The following DDAH1 variants were observed in gnomAD, a reference collection of about 807,000 sequenced individuals.
The protein encoded by DDAH1 is N(G),N(G)-dimethylarginine dimethylaminohydrolase 1.
Under a neutral mutation model 28.8 loss-of-function variants are expected in DDAH1, and 19 were observed. That is an observed-to-expected ratio of 0.66 (90% confidence interval 0.46 to 0.97). The LOEUF (loss-of-function observed/expected upper bound fraction) is 0.97. DDAH1 is among the 50% of genes least tolerant of loss of function. The probability of loss-of-function intolerance (pLI) is 0.00; values close to 1 mark genes in which losing one functional copy is unlikely to be tolerated. For synonymous variants in DDAH1, 153 were observed against 154.4 expected, an observed-to-expected ratio of 0.99 and a Z score of 0.07; for missense variants, 326 against 375.9, an observed-to-expected ratio of 0.87 and a Z score of 1.10.
intron 1 of DDAH1, among the ~76,000 whole-genome samples, chr1:85,530,990 CAAAAAAAAAAA>C (rs56149686): frequency 0.1 from 4,412 of 43,834 alleles, 181 homozygotes; most frequent in East Asian, 0.31. Context: ...GACTCTGTCT[CAAAAAAAAAAA>C]AAAAAAAAAA....
At chr1:85,330,838 T>TG (rs1476440271) in intron 4 of DDAH1, among the ~76,000 whole-genome samples, 2 of 152,018 alleles carry the variant, frequency 1.3e-5, no homozygotes, top group African/African-American at 2.4e-5. Flanking sequence ...CAGTGTGAGG[T>TG]GGGAAAGGGA....
At chr1:85,421,957 G>A (rs1244775086) in intron 1 of DDAH1, among the ~76,000 whole-genome samples, 2 of 152,184 alleles carry the variant, frequency 1.3e-5, no homozygotes, top group Non-Finnish European at 2.9e-5. Context: ...ATACTTAGGA[G>A]CATGATTGCT....
At chr1:85,497,182 T>A (rs1007155447) in intron 1 of DDAH1, among the ~76,000 whole-genome samples, 2 of 152,170 alleles carry the variant, frequency 1.3e-5, no homozygotes, top group East Asian at 3.8e-4. Context: ...AATAACCTGA[T>A]GCACAGTGAT....
Position 85,547,747 on chromosome 1 carries a change from G to T in DDAH1, c.-123+30237C>A, listed in dbSNP as rs1434107986. On this transcript the variant is annotated intron_variant, in intron 1 of 6. Coordinates refer to the DDAH1 transcript ENST00000426972. Reference sequence around the variant, plus strand: ...TTTCTTTAAGAAGAGCTTTTACTCTGAATAAAATATTCCTGTGAGGAAGAT... The same window carrying T: ...TTTCTTTAAGAAGAGCTTTTACTCTTAATAAAATATTCCTGTGAGGAAGAT... Among the ~76,000 whole-genome samples the T allele has an allele frequency of 2.0e-5, 3 of 152,164 alleles. No homozygotes were observed. In the East Asian group the frequency reaches 5.8e-4, roughly 29 times the overall value.
At chr1:85,356,746 T>C (rs886561539) in intron 2 of DDAH1, among the ~76,000 whole-genome samples, 5 of 152,190 alleles carry the variant, frequency 3.3e-5, no homozygotes, top group African/African-American at 1.2e-4. Context: ...ACAGGTAGTA[T>C]CAAAGGCAAG....
intron 2 of DDAH1, among the ~76,000 whole-genome samples, chr1:85,471,067 A>AT (rs869296858): frequency 1.3e-5 from 2 of 150,990 alleles, no homozygotes; most frequent in East Asian, 3.9e-4. Flanking sequence ...CTGCGATCCC[A>AT]TTTTTGTTGG....
intron 1 of DDAH1, among the ~76,000 whole-genome samples, chr1:85,513,453 T>C (rs1657322397): frequency 1.3e-5 from 2 of 152,186 alleles, no homozygotes; most frequent in African/African-American, 4.8e-5. Flanking sequence ...AAAGACTTCA[T>C]GACTAAAACA....
At chr1:85,344,497 T>C (rs946644827) in intron 4 of DDAH1, among the ~76,000 whole-genome samples, 1 of 152,280 alleles carries the variant, frequency 6.6e-6, no homozygotes, top group Middle Eastern at 3.4e-3. Context: ...CTTCCTCCTC[T>C]GAATAGTTTC....
chr1:85,427,271 TAAAAAA>T (rs58534051), intron 1 of DDAH1, among the ~76,000 whole-genome samples: 41 of 142,182 alleles, frequency 2.9e-4, no homozygotes, highest in Admixed American at 4.1e-4. Context: ...CCAAGTGAGC[TAAAAAA>T]AAAAAAAAAA....
rs559746262 is a variant in DDAH1 at position 85,365,869 on chromosome 1, G to T, written c.304-7022C>A. 7.0e-4 allele frequency among the ~76,000 whole-genome samples: 106 copies of T among 152,254 alleles called. 1 individual carries two copies. Among genetic ancestry groups the T allele is most frequent in the African/African-American group, 2.4e-3 (98 of 41,546 alleles). ...GCACAAGTAAAGAAATTTTGCAGGTGTAAAGTATCTACTTAGATGACTTGA... is the reference window on the plus strand; with the variant it reads ...GCACAAGTAAAGAAATTTTGCAGGTTTAAAGTATCTACTTAGATGACTTGA... On this transcript the variant is annotated intron_variant, in intron 1 of 5. Transcript: ENST00000284031.
chr1:85,379,728 T>C, intron 1 of DDAH1: 1 of 984,148 alleles, frequency 1.0e-6, no homozygotes, highest in Non-Finnish European at 1.2e-6. Flanking sequence ...TTCCCAAACC[T>C]GCTGGCATCC....
chr1:85,424,708 A>G (rs902932966), intron 1 of DDAH1, among the ~76,000 whole-genome samples: 13 of 152,098 alleles, frequency 8.5e-5, no homozygotes, highest in Non-Finnish European at 1.9e-4. Flanking sequence ...TCATAGGCAT[A>G]TATACCACCT....
intron 1 of DDAH1, among the ~76,000 whole-genome samples, chr1:85,564,769 C>T: frequency 6.6e-6 from 1 of 151,530 alleles, no homozygotes; most frequent in Middle Eastern, 3.2e-3. Flanking sequence ...ACTCAGGAGG[C>T]TGAGGCATGA....
At chr1:85,444,924 T>C (rs1654364904) in intron 1 of DDAH1, among the ~76,000 whole-genome samples, 1 of 152,096 alleles carries the variant, frequency 6.6e-6, no homozygotes, top group African/African-American at 2.4e-5. Context: ...GGTCCCACAA[T>C]AGGCCATTGG....
intron 2 of DDAH1, among the ~76,000 whole-genome samples, chr1:85,355,723 A>T (rs1054405897): frequency 1.3e-5 from 2 of 152,188 alleles, no homozygotes; most frequent in Admixed American, 6.5e-5. Context: ...ACAGAAGATA[A>T]TCCACAAAAA....
chr1:85,375,309 AC>A (rs981192749), intron 1 of DDAH1, among the ~76,000 whole-genome samples: 1 of 152,110 alleles, frequency 6.6e-6, no homozygotes, highest in Non-Finnish European at 1.5e-5. Context: ...TACAGAGCAA[AC>A]CCAGAATGCA....
At chr1:85,561,290 G>A (rs1369752778) in intron 1 of DDAH1, among the ~76,000 whole-genome samples, 1 of 152,038 alleles carries the variant, frequency 6.6e-6, no homozygotes, top group East Asian at 1.9e-4. Context: ...CAGGAAAATA[G>A]CAAGTACTAT....
intron 1 of DDAH1, among the ~76,000 whole-genome samples, chr1:85,365,807 A>T (rs1270531075): frequency 6.6e-6 from 1 of 152,184 alleles, no homozygotes; most frequent in African/African-American, 2.4e-5. Context: ...TGTAAATATG[A>T]TGAAGATATC....
At chr1:85,327,618 A>G (rs1322312043) in intron 4 of DDAH1, among the ~76,000 whole-genome samples, 1 of 152,186 alleles carries the variant, frequency 6.6e-6, no homozygotes, top group Non-Finnish European at 1.5e-5. Flanking sequence ...TGGGCTTCAG[A>G]GTCAGAAAGG....
Sources: gnomAD v4.1 joint callset for allele counts (sites outside exome capture counted in the v4.1 genomes callset) on GRCh38, gnomAD v4.1.1 for gene constraint, MANE v1.5 for transcripts, NCBI Gene and HGNC (gene_info 2026-07-23, HGNC 2026-07-21) for gene names.